Variants in GRIA3 observed in about 807,000 individuals in gnomAD.
The protein encoded by GRIA3 is glutamate ionotropic receptor AMPA type subunit 3.
A neutral mutation model predicts 63.0 loss-of-function variants in GRIA3; 3 were observed. That is an observed-to-expected ratio of 0.05 (90% CI 0.02 to 0.12). The LOEUF is 0.12. Among genes scored for constraint, GRIA3 ranks in the 10% least tolerant of loss-of-function variants. GRIA3 has a pLI of 1.00. For synonymous variants in GRIA3, 274 were observed against 257.9 expected, an observed-to-expected ratio of 1.06 and a Z score of -0.60; for missense variants, 347 against 700.9, an observed-to-expected ratio of 0.50 and a Z score of 5.70.
At chrX:123,426,513 CT>C (rs946603923) in intron 11 of GRIA3, among the ~76,000 whole-genome samples, 3 of 111,781 alleles carry the variant, frequency 2.7e-5, no homozygotes, top group Non-Finnish European at 5.6e-5. Flanking sequence ...GGTTTTTTGT[CT>C]TTTTGTGTTG....
At chrX:123,205,090 T>C (rs1927850197) in intron 2 of GRIA3, among the ~76,000 whole-genome samples, 1 of 111,372 alleles carries the variant, frequency 9.0e-6, no homozygotes, top group Admixed American at 9.6e-5. Context: ...GGGTAGAAAA[T>C]CTAATACATA....
chrX:123,335,349 A>C (rs2044967761), intron 4 of GRIA3, among the ~76,000 whole-genome samples: 1 of 111,845 alleles, frequency 8.9e-6, no homozygotes, highest in African/African-American at 3.3e-5. Context: ...TATATAAATA[A>C]ATATGGCCTC....
intron 4 of GRIA3, among the ~76,000 whole-genome samples, chrX:123,328,550 T>A (rs2147334492): frequency 8.9e-6 from 1 of 112,352 alleles, no homozygotes; most frequent in African/African-American, 3.2e-5. Flanking sequence ...AACTCATGAT[T>A]GTTTTCTCTG....
At chrX:123,191,718 A>C (rs1267896676) in intron 2 of GRIA3, among the ~76,000 whole-genome samples, 3 of 111,073 alleles carry the variant, frequency 2.7e-5, no homozygotes, top group African/African-American at 9.8e-5. Flanking sequence ...CCTAATTCCC[A>C]GAACTTCTCC....
chrX:123,359,144 C>T (rs2045152874), intron 5 of GRIA3, among the ~76,000 whole-genome samples: 1 of 111,437 alleles, frequency 9.0e-6, no homozygotes, highest in Admixed American at 9.5e-5. Flanking sequence ...ATTTTAGATA[C>T]TACATAGCAA....
intron 2 of GRIA3, among the ~76,000 whole-genome samples, chrX:123,226,430 A>G (rs1190668936): frequency 5.3e-5 from 6 of 112,165 alleles, no homozygotes; most frequent in Non-Finnish European, 7.5e-5. Flanking sequence ...TTCTAAATGT[A>G]TAACTGCCTA....
chrX:123,208,536 C>T (rs1046057148), intron 2 of GRIA3, among the ~76,000 whole-genome samples: 4 of 112,056 alleles, frequency 3.6e-5, no homozygotes, highest in African/African-American at 1.3e-4. Context: ...GGGGTGTTTC[C>T]AAGGAGGCAA....
chrX:123,399,009 G>GA (rs926629588), intron 7 of GRIA3, among the ~76,000 whole-genome samples: 100 of 107,717 alleles, frequency 9.3e-4, no homozygotes, highest in South Asian at 1.2e-3. Context: ...CTTGAAGCTT[G>GA]AAAAAAAAAG....
At chrX:123,358,890 A>G (rs1358958391) in intron 5 of GRIA3, 1 of 111,677 alleles carries the variant, frequency 9.0e-6, no homozygotes, top group Non-Finnish European at 1.9e-5. Context: ...CAGTAATGAT[A>G]GCTCAGTTAC....
chrX:123,189,377 G>A (rs1296755960), intron 2 of GRIA3, among the ~76,000 whole-genome samples: 2 of 112,167 alleles, frequency 1.8e-5, no homozygotes, highest in South Asian at 3.8e-4. Flanking sequence ...TCAGGGCAGG[G>A]GTGTGGAAAC....
chrX:123,276,104 G>C (rs1284192565), intron 3 of GRIA3, among the ~76,000 whole-genome samples: 3 of 112,056 alleles, frequency 2.7e-5, no homozygotes, highest in Non-Finnish European at 5.6e-5. Flanking sequence ...GCTGTCTCTT[G>C]ACTCTCAATC....
chrX:123,251,518 C>T (rs1444952946), intron 2 of GRIA3, among the ~76,000 whole-genome samples: 1 of 111,574 alleles, frequency 9.0e-6, no homozygotes, highest in African/African-American at 3.3e-5. Context: ...TCACTGCAAC[C>T]TCTGCCTCCC....
At chrX:123,480,582 G>A (rs1223957874) in intron 14 of GRIA3, among the ~76,000 whole-genome samples, 1 of 112,312 alleles carries the variant, frequency 8.9e-6, no homozygotes, top group East Asian at 2.8e-4. Context: ...CAGTGTCAGA[G>A]ACTTTGTAGT....
chrX:123,327,872 T>G (rs1360099344), intron 4 of GRIA3, among the ~76,000 whole-genome samples: 1 of 111,169 alleles, frequency 9.0e-6, no homozygotes, highest in Non-Finnish European at 1.9e-5. Context: ...TCTTAGATCT[T>G]GAAAGTGAAG....
intron 14 of GRIA3, among the ~76,000 whole-genome samples, chrX:123,481,388 A>G (rs2045912051): frequency 8.9e-6 from 1 of 112,436 alleles, no homozygotes; most frequent in Non-Finnish European, 1.9e-5. Flanking sequence ...AGGCATTCCC[A>G]CACCCCGTTT....
At position 123,463,706 on chromosome X, in the gene GRIA3, AAGAAAG is replaced by A. The variant is rs1193337909; in HGVS notation, c.2077-1157_2077-1152del. ...AAAGAGAGAGAAAGAAAGAAAAAGA[AAGAAAG>A]AAAGAAAGAAAGAGAAAGAAGAGAG... On this transcript the variant is annotated intron_variant, in intron 12 of 15. Transcript: ENST00000620443. Among the ~76,000 whole-genome samples, 10 of 102,809 alleles carry A rather than the reference AAGAAAG, an allele frequency of 9.7e-5. No homozygotes were observed. In the East Asian group the frequency reaches 1.5e-3, roughly 16 times the overall value. 89.3% of individuals were successfully genotyped at this position (102,809 alleles called of 115,157 possible). A position where few individuals can be genotyped will look rare whatever the true frequency, so the allele number is the denominator to read the frequency against.
At position 123,440,739 on chromosome X, in the gene GRIA3, G is replaced by T. The variant is rs140614817; in HGVS notation, c.2076+12600G>T. ...TAGAAATATTTTCTTCCATTCTGTA[G>T]GTTGTCTGTTTGTTGACAGTTTCTT... On this transcript the variant is annotated intron_variant, in intron 12 of 15. Coordinates refer to ENST00000620443, the MANE Select transcript of GRIA3 (RefSeq NM_007325.5). Among the ~76,000 whole-genome samples the T allele has an allele frequency of 6.4e-3, 722 of 112,351 alleles. 4 individuals are homozygous for T. Among genetic ancestry groups the T allele is most frequent in the Non-Finnish European group, 0.011 (601 of 53,224 alleles).
chrX:123,467,815 G>A (rs890258663), intron 13 of GRIA3, among the ~76,000 whole-genome samples: 2 of 111,907 alleles, frequency 1.8e-5, no homozygotes, highest in African/African-American at 6.5e-5. Flanking sequence ...AGATGTTTTG[G>A]TACATGAAGA....
chrX:123,413,548 A>C (rs1569432743), intron 10 of GRIA3, among the ~76,000 whole-genome samples: 3 of 87,221 alleles, frequency 3.4e-5, no homozygotes, highest in Admixed American at 1.2e-4. Flanking sequence ...AAAAAAAAAA[A>C]AAAAAAAAAA....
Sources: allele counts gnomAD v4.1 joint callset (sites outside exome capture counted in the v4.1 genomes callset), GRCh38; gene constraint gnomAD v4.1.1; transcripts MANE v1.5; gene names NCBI Gene and HGNC (gene_info 2026-07-23, HGNC 2026-07-21).